MTREX: variants seen among roughly 807,000 people sequenced by gnomAD.
MTREX encodes exosome RNA helicase MTR4.
In MTREX, 76 loss-of-function variants were observed where a neutral mutation model predicts 135.4. The ratio of observed to expected loss-of-function variants is 0.56; its 90% confidence interval spans 0.47 to 0.68. The LOEUF is 0.68. Among genes scored for constraint, MTREX ranks in the 30% least tolerant of loss-of-function variants. The pLI is 0.00. For missense variants in MTREX, 920 were observed against 1,262.1 expected (o/e 0.73, Z 4.11); for synonymous variants, 404 against 401.6 (o/e 1.01, Z -0.07).
intron 19 of MTREX, 70 bp downstream of exon 19, chr5:55,388,172 CAATGTGAT>C: frequency 7.2e-7 from 1 of 1,383,184 alleles, no homozygotes; most frequent in Non-Finnish European, 9.9e-7. Context: ...CAAAGTTCTC[CAATGTGAT>C]GGTAATGAAC....
intron 16 of MTREX, 68 bp from the exon 17 acceptor site, chr5:55,378,246 C>T (rs771028071): frequency 3.4e-6 from 5 of 1,463,048 alleles, no homozygotes; most frequent in Non-Finnish European, 4.5e-6. Context: ...AGAAAAAATC[C>T]TATGTCTTGG....
At chr5:55,348,397 C>T (rs1749773498) in intron 11 of MTREX, among the ~76,000 whole-genome samples, 1 of 152,160 alleles carries the variant, frequency 6.6e-6, no homozygotes. Flanking sequence ...GGGGTCAGCA[C>T]ATTAACTTTA....
chr5:55,372,537 T>A (rs1283674289), intron 16 of MTREX, among the ~76,000 whole-genome samples: 2 of 152,162 alleles, frequency 1.3e-5, no homozygotes, highest in Non-Finnish European at 2.9e-5. Context: ...ATTGTTATCC[T>A]CATTTTGCAG....
intron 10 of MTREX, among the ~76,000 whole-genome samples, chr5:55,346,411 TTA>T (rs1749734104): frequency 6.6e-6 from 1 of 152,212 alleles, no homozygotes; most frequent in Admixed American, 6.5e-5. Flanking sequence ...ATGAAACAGA[TTA>T]TGTATTTTGC....
intron 18 of MTREX, among the ~76,000 whole-genome samples, chr5:55,385,441 A>G (rs1353702213): frequency 6.6e-6 from 1 of 152,112 alleles, no homozygotes; most frequent in East Asian, 1.9e-4. Context: ...TGGGAGGAGA[A>G]TGAGAAATGT....
At position 55,425,086 on chromosome 5, in the gene MTREX, T is replaced by C. The variant is rs1225793399; in HGVS notation, c.*314T>C. The C allele has an allele frequency of 5.4e-6, 7 of 1,306,370 alleles. No individual in the cohort carries two copies. Among genetic ancestry groups the C allele is most frequent in the East Asian group, 2.3e-5 (1 of 43,144 alleles). The allele number at this position is 1,306,370 out of a possible 1,614,324, so 80.9% of individuals were successfully genotyped here. ...ACACAAAGTGTGCATCCAAGAGGCA[T>C]AGCAGCAGCAGAAGTCTTTAAAGGC... On this transcript the variant is annotated 3_prime_UTR_variant, in exon 27 of 27. Transcript: ENST00000230640.
intron 15 of MTREX, among the ~76,000 whole-genome samples, chr5:55,360,229 A>G (rs1377720992): frequency 6.6e-6 from 1 of 152,026 alleles, no homozygotes; most frequent in Non-Finnish European, 1.5e-5. Flanking sequence ...GCTTTTTTTC[A>G]CTTAGCCTAA....
chr5:55,414,949 C>A (rs1169830065), intron 24 of MTREX, among the ~76,000 whole-genome samples: 1 of 152,144 alleles, frequency 6.6e-6, no homozygotes, highest in African/African-American at 2.4e-5. Flanking sequence ...TGTGCCCAGC[C>A]TATAACAAAG....
intron 16 of MTREX, among the ~76,000 whole-genome samples, chr5:55,377,320 C>A (rs1174347055): frequency 2.0e-5 from 3 of 151,980 alleles, no homozygotes; most frequent in Non-Finnish European, 4.4e-5. Context: ...GAGCGAGACT[C>A]CGTCTCTAAA....
At chr5:55,342,169 C>T (rs1749659829) in intron 7 of MTREX, among the ~76,000 whole-genome samples, 1 of 152,206 alleles carries the variant, frequency 6.6e-6, no homozygotes, top group Admixed American at 6.5e-5. Flanking sequence ...CTTGGCCTCC[C>T]AAAGTGCTGG....
At chr5:55,362,188 C>G (rs527911680) in intron 15 of MTREX, among the ~76,000 whole-genome samples, 1 of 151,382 alleles carries the variant, frequency 6.6e-6, no homozygotes, top group African/African-American at 2.4e-5. Context: ...CCACCTTGGC[C>G]TCCCAGAGTG....
chr5:55,395,522 A>G (rs775136247), intron 19 of MTREX, among the ~76,000 whole-genome samples: 122 of 152,358 alleles, frequency 8.0e-4, no homozygotes, highest in South Asian at 2.1e-3. Context: ...TGGCAAACTG[A>G]AAGTTTAATG....
In MTREX at chr5:55,353,287, T is replaced by C; in HGVS notation, c.1533+18T>C. 2 of 1,508,380 alleles carry C rather than the reference T, an allele frequency of 1.3e-6. No homozygotes were observed. Among genetic ancestry groups the C allele is most frequent in the Non-Finnish European group, 1.8e-6 (2 of 1,093,098 alleles). 93.4% of individuals were successfully genotyped at this position (1,508,380 alleles called of 1,614,324 possible). A position where few individuals can be genotyped will look rare whatever the true frequency, so the allele number is the denominator to read the frequency against. On this transcript the variant is annotated intron_variant, in intron 14 of 26. Transcript: ENST00000230640. Reference sequence around the variant, plus strand: ...TCCGATGGGTAAGTAAAGCAATTCATATATCAAAATAATTTTTGTCTTTGT... The same window carrying C: ...TCCGATGGGTAAGTAAAGCAATTCACATATCAAAATAATTTTTGTCTTTGT...
rs776425325 is a variant in MTREX, at chr5:55,397,564, G to T, written c.2292+38G>T. ...TTCATAAGTTAAGTATAAATTTTAT[G>T]TAAATACAGGTAGTGTTTATAAAGA... On this transcript the variant is annotated intron_variant, in intron 20 of 26. Coordinates refer to ENST00000230640, the MANE Select transcript of MTREX (RefSeq NM_015360.5). 5 of 1,320,378 alleles carry T rather than the reference G, an allele frequency of 3.8e-6. No individual in the cohort carries two copies. The African/African-American group carries it at 7.3e-5, about 19-fold the overall frequency. The allele number at this position is 1,320,378 out of a possible 1,614,324, so 81.8% of individuals were successfully genotyped here.
At chr5:55,361,363 G>A (rs188228710) in intron 15 of MTREX, among the ~76,000 whole-genome samples, 2 of 152,028 alleles carry the variant, frequency 1.3e-5, no homozygotes, top group East Asian at 3.8e-4. Context: ...TTTCCTATTG[G>A]TGTTAGAAAC....
chr5:55,402,577 T>C (rs1368488063), intron 21 of MTREX, among the ~76,000 whole-genome samples: 1 of 152,100 alleles, frequency 6.6e-6, no homozygotes, highest in African/African-American at 2.4e-5. Context: ...TGCAATAACA[T>C]GTAAGAAAGC....
intron 24 of MTREX, among the ~76,000 whole-genome samples, 182 bp from the exon 25 acceptor site, chr5:55,415,788 T>G (rs1189005391): frequency 6.6e-6 from 1 of 152,174 alleles, no homozygotes; most frequent in African/African-American, 2.4e-5. Flanking sequence ...TGGGAAAGAT[T>G]GGCCGTTTAA....
chr5:55,361,156 A>G (rs184936227), intron 15 of MTREX, among the ~76,000 whole-genome samples: 5 of 152,348 alleles, frequency 3.3e-5, no homozygotes, highest in South Asian at 2.1e-4. Context: ...TAGTCATGTC[A>G]GGTATATTTT....
chr5:55,425,132 T>A lies in MTREX; in HGVS notation c.*360T>A. 2.0e-6 allele frequency: 3 copies of A among 1,517,740 alleles called. No individual in the cohort carries two copies. The highest frequency in any genetic ancestry group is 2.7e-6 in the Non-Finnish European group (3 of 1,123,954). 94.0% of individuals were successfully genotyped at this position (1,517,740 alleles called of 1,614,324 possible). On this transcript the variant is annotated 3_prime_UTR_variant, in exon 27 of 27. Coordinates refer to ENST00000230640, the MANE Select transcript of MTREX (RefSeq NM_015360.5). ...AAGGCTTGTACACCAGGAAGAAAGATGCATCCTCTTGCCTTGTGGCAATCA... is the reference window on the plus strand; with the variant it reads ...AAGGCTTGTACACCAGGAAGAAAGAAGCATCCTCTTGCCTTGTGGCAATCA...
Sources: gnomAD v4.1 joint callset for allele counts (sites outside exome capture counted in the v4.1 genomes callset) on GRCh38, gnomAD v4.1.1 for gene constraint, MANE v1.5 for transcripts, NCBI Gene and HGNC (gene_info 2026-07-23, HGNC 2026-07-21) for gene names.